The following ALK variants were observed in gnomAD, a reference collection of about 807,000 sequenced individuals.
ALK encodes ALK tyrosine kinase receptor.
Under a neutral mutation model 163.1 loss-of-function variants are expected in ALK, and 74 were observed. The observed-to-expected ratio is 0.45, with a 90% CI of 0.38 to 0.55. The LOEUF is 0.55. ALK is among the 20% of genes least tolerant of loss of function. ALK has a pLI of 0.00. For synonymous variants in ALK, 960 were observed against 843.2 expected (o/e 1.14, Z -2.40); for missense variants, 2,063 against 2,105.3 (o/e 0.98, Z 0.39).
chr2:29,888,521 C>G (rs758260258), intron 1 of ALK, among the ~76,000 whole-genome samples: 5 of 152,134 alleles, frequency 3.3e-5, no homozygotes, highest in Non-Finnish European at 7.3e-5. Context: ...AGAATTTCCA[C>G]TGGGGTGGGC....
At chr2:29,588,319 C>T (rs1674947670) in intron 3 of ALK, among the ~76,000 whole-genome samples, 2 of 152,158 alleles carry the variant, frequency 1.3e-5, no homozygotes, top group Admixed American at 1.3e-4. Flanking sequence ...CAACCCCCAC[C>T]CACCAGGTTC....
At position 29,383,652 on chromosome 2, in the gene ALK, C is replaced by T. The variant is rs1668959190; in HGVS notation, c.1282+80G>A. 8 of 1,594,512 alleles carry T rather than the reference C, an allele frequency of 5.0e-6. No individual in the cohort carries two copies. In the East Asian group the frequency reaches 1.6e-4, roughly 31 times the overall value. ...TTTTCTTCATAAGTGTGCACATTCCCAGCCAAACATGGTTGCAGGTTATTG... is the reference window on the plus strand; with the variant it reads ...TTTTCTTCATAAGTGTGCACATTCCTAGCCAAACATGGTTGCAGGTTATTG... On this transcript the variant is annotated intron_variant, in intron 5 of 28. Transcript: ENST00000389048.
chr2:29,341,853 G>T (rs1667802343), intron 5 of ALK, among the ~76,000 whole-genome samples: 1 of 152,192 alleles, frequency 6.6e-6, no homozygotes, highest in Non-Finnish European at 1.5e-5. Flanking sequence ...CACTTGCTAT[G>T]GCTAGGAGTC....
At chr2:29,264,496 CACTAGTTTGCT>C (rs1384464128) in intron 11 of ALK, among the ~76,000 whole-genome samples, 2 of 152,214 alleles carry the variant, frequency 1.3e-5, no homozygotes, top group Non-Finnish European at 2.9e-5. Context: ...GCTGTCTATA[CACTAGTTTGCT>C]TTCTGCACTA....
At chr2:29,272,852 T>C (rs55919943) in intron 11 of ALK, among the ~76,000 whole-genome samples, 18,587 of 152,230 alleles carry the variant, frequency 0.12, 1,305 homozygotes, top group Middle Eastern at 0.21. Context: ...AGTAGCTTAG[T>C]TGGGTGAAAG....
chr2:29,795,684 T>G (rs558550320), intron 1 of ALK, among the ~76,000 whole-genome samples: 9 of 152,136 alleles, frequency 5.9e-5, no homozygotes, highest in Admixed American at 1.3e-4. Context: ...TTATGTAATA[T>G]TAAATGAAAA....
Position 29,317,673 on chromosome 2 carries a change from A to G in ALK, c.1647+631T>C, listed in dbSNP as rs548364986. Among the ~76,000 whole-genome samples the G allele has an allele frequency of 3.9e-5, 6 of 152,328 alleles. No homozygotes were observed. The East Asian group carries it at 1.2e-3, about 29-fold the overall frequency. On this transcript the variant is annotated intron_variant, in intron 8 of 28. Coordinates refer to ENST00000389048, the MANE Select transcript of ALK (RefSeq NM_004304.5). ...ACTGCCCAAACAAACTATACAATCA[A>G]TCAGTGGTGGAACCCGACTTGGACT...
At chr2:29,423,753 C>T (rs1216209113) in intron 4 of ALK, among the ~76,000 whole-genome samples, 1 of 152,062 alleles carries the variant, frequency 6.6e-6, no homozygotes, top group African/African-American at 2.4e-5. Context: ...GGGGGACCCT[C>T]CTAGGAGGAG....
intron 6 of ALK, among the ~76,000 whole-genome samples, chr2:29,323,865 A>T (rs1463829762): frequency 6.6e-6 from 1 of 152,182 alleles, no homozygotes; most frequent in Non-Finnish European, 1.5e-5. Context: ...ACACTGGAAG[A>T]CTTCAAAACT....
intron 4 of ALK, among the ~76,000 whole-genome samples, chr2:29,498,847 A>G (rs898597128): frequency 1.3e-5 from 2 of 152,200 alleles, no homozygotes; most frequent in Non-Finnish European, 2.9e-5. Flanking sequence ...GAGTTGGATC[A>G]TCACTATAAT....
chr2:29,792,526 A>G (rs892154386), intron 1 of ALK, among the ~76,000 whole-genome samples: 8 of 152,200 alleles, frequency 5.3e-5, no homozygotes, highest in Non-Finnish European at 1.2e-4. Flanking sequence ...ATGGAAACAC[A>G]AAATGGTATT....
chr2:29,461,975 GA>G (rs928866887), intron 4 of ALK, among the ~76,000 whole-genome samples: 8 of 152,136 alleles, frequency 5.3e-5, no homozygotes, highest in Non-Finnish European at 1.5e-5. Flanking sequence ...GAGTTTAGAA[GA>G]AGTTGATTCC....
At position 29,239,766 on chromosome 2, in the gene ALK, C is replaced by A. The variant is rs371005946; in HGVS notation, c.2269G>T (p.Val757Leu). 1.2e-6 allele frequency: 2 copies of A among 1,613,910 alleles called. No individual in the cohort carries two copies. The highest frequency in any genetic ancestry group is 8.5e-7 in the Non-Finnish European group (1 of 1,180,050). Residue 757 changes from valine to leucine, a missense_variant, in exon 13 of 29, where the codon GTG (valine) becomes TTG (leucine). Physicochemically the swap from Val to Leu is conservative, Grantham distance 32 (BLOSUM62 1). Coordinates refer to ENST00000389048, the MANE Select transcript of ALK (RefSeq NM_004304.5). ...GKNTMMRSHGVSVLGIFNLEK... is the reference protein window; with the variant it reads ...GKNTMMRSHGLSVLGIFNLEK... ...AGGTTGAAGATGCCCAGCACAGACA[C>A]GCCGTGGGACCGCATCATGGTGTTC... is the stretch of plus-strand genomic sequence containing the variant.
intron 3 of ALK, among the ~76,000 whole-genome samples, chr2:29,599,106 T>C (rs1675301546): frequency 6.6e-6 from 1 of 151,300 alleles, no homozygotes; most frequent in Non-Finnish European, 1.5e-5. Flanking sequence ...CCCTCTGAGG[T>C]AGCTTAAGAA....
At position 29,283,463 on chromosome 2, in the gene ALK, G is replaced by A. The variant is rs148068569; in HGVS notation, c.1818-7967C>T. Among the ~76,000 whole-genome samples, 580 of 152,184 alleles carry A rather than the reference G, an allele frequency of 3.8e-3. 5 individuals carry two copies. The highest frequency in any genetic ancestry group is 5.9e-3 in the Non-Finnish European group (400 of 68,014). On this transcript the variant is annotated intron_variant, in intron 9 of 28. Coordinates refer to ENST00000389048, the MANE Select transcript of ALK (RefSeq NM_004304.5). ...GTCCTCTGTTGCTGTGTTGGCTTGC[G>A]GCTTGGGGAGCTGACATGGTACCGA...
intron 4 of ALK, among the ~76,000 whole-genome samples, chr2:29,530,682 T>C (rs992700074): frequency 2.0e-5 from 3 of 152,246 alleles, no homozygotes; most frequent in African/African-American, 7.2e-5. Context: ...AGAGAAGCCG[T>C]GCTGGAGGGA....
At chr2:29,761,886 T>A (rs1298561608) in intron 1 of ALK, among the ~76,000 whole-genome samples, 1 of 152,260 alleles carries the variant, frequency 6.6e-6, no homozygotes, top group Non-Finnish European at 1.5e-5. Flanking sequence ...ACAACGTATA[T>A]TTGGTATCTA....
chr2:29,476,962 C>T (rs879280892), intron 4 of ALK, among the ~76,000 whole-genome samples: 1 of 152,164 alleles, frequency 6.6e-6, no homozygotes, highest in Non-Finnish European at 1.5e-5. Context: ...ATGCACCTCG[C>T]CTCACCCTCA....
In ALK at chr2:29,836,321, G is replaced by C. The variant is rs116972532; in HGVS notation, c.667+83672C>G. The stretch of plus-strand genomic sequence containing the variant: ...AATTGCAGTGGTTGGACATAATAGA[G>C]AACTACCTCTTGCTCATACTACCCG... On this transcript the variant is annotated intron_variant, in intron 1 of 28. Coordinates refer to ENST00000389048, the MANE Select transcript of ALK (RefSeq NM_004304.5). Among the ~76,000 whole-genome samples the C allele has an allele frequency of 4.2e-3, 642 of 152,242 alleles. 34 individuals carry two copies. The East Asian group carries it at 0.11, about 25-fold the overall frequency.
Sources: allele counts gnomAD v4.1 joint callset (sites outside exome capture counted in the v4.1 genomes callset), GRCh38; gene constraint gnomAD v4.1.1; transcripts MANE v1.5; gene names NCBI Gene and HGNC (gene_info 2026-07-23, HGNC 2026-07-21).